The following CA12 variants were observed in gnomAD, a reference collection of about 807,000 sequenced individuals.
CA12 encodes carbonic anhydrase 12.
Under a neutral mutation model 46.8 loss-of-function variants are expected in CA12, and 36 were observed. That is an observed-to-expected ratio of 0.77 (90% confidence interval 0.59 to 1.02). CA12 has a LOEUF of 1.02. CA12 is among the 50% of genes least tolerant of loss of function. The pLI is 0.00. For missense variants in CA12, 436 were observed against 451.4 expected (o/e 0.97, Z 0.31); for synonymous variants, 202 against 187.0 (o/e 1.08, Z -0.65).
In CA12 at chr15:63,327,958, G is replaced by A; in HGVS notation, c.907+140C>T. ...TCATCTTTGAATCACAGAGCGACTT[G>A]AGGGTAAGACCCATAGCAAGGAGAG... On this transcript the variant is annotated intron_variant, in intron 9 of 10. Transcript: ENST00000178638. This position sits in a 1 kb window ranked among gnomAD's most constrained non-coding sequence, Gnocchi z 4.5. The A allele has an allele frequency of 2.6e-6, 2 of 762,480 alleles. No individual in the cohort carries two copies. The highest frequency in any genetic ancestry group is 2.6e-5 in the East Asian group (1 of 39,180). 47.2% of individuals were successfully genotyped at this position (762,480 alleles called of 1,614,324 possible). A position where few individuals can be genotyped will look rare whatever the true frequency, so the allele number is the denominator to read the frequency against.
At chr15:63,347,064 A>G (rs937886585) in intron 2 of CA12, among the ~76,000 whole-genome samples, 2 of 152,154 alleles carry the variant, frequency 1.3e-5, no homozygotes, top group African/African-American at 4.8e-5. Context: ...GCCAGGAATT[A>G]CTCTGGGTCT....
intron 1 of CA12, among the ~76,000 whole-genome samples, chr15:63,380,296 T>C (rs2039628999): frequency 1.4e-5 from 2 of 146,892 alleles, no homozygotes; most frequent in Non-Finnish European, 3.0e-5. Flanking sequence ...GCAGGGAAAG[T>C]AGGGAAGAAA....
Position 63,328,117 on chromosome 15 carries a change from A to G in CA12, c.888T>C (p.Thr296=). ...ACATACCCAGACTCAGTCCTGCCGC[A>G]GTACAGACTTGCACTTAAAAGGGGA... ...YTSFSQVQVC[T]AAGLSLGIIL... The change falls in exon 9 of 11, where the codon ACT becomes ACC. Residue 296 remains threonine, a synonymous_variant. Coordinates refer to ENST00000178638, the MANE Select transcript of CA12 (RefSeq NM_001218.5). This position sits in a 1 kb window ranked among gnomAD's most constrained non-coding sequence, Gnocchi z 5.9. 1 of 1,614,110 alleles carries G rather than the reference A, an allele frequency of 6.2e-7. No homozygotes were observed. The highest frequency in any genetic ancestry group is 8.5e-7 in the Non-Finnish European group (1 of 1,179,966).
In CA12 at chr15:63,328,506, T is replaced by C. The variant is rs34919165; in HGVS notation, c.875-376A>G. On this transcript the variant is annotated intron_variant, in intron 8 of 10. Coordinates refer to ENST00000178638, the MANE Select transcript of CA12 (RefSeq NM_001218.5). This position sits in a 1 kb window ranked among gnomAD's most constrained non-coding sequence, Gnocchi z 5.9. ...ACCTGCCACCACACCCAGCTAATTT[T>C]TGGATTTTTAGTAGAGACAGGGTTT... is the stretch of plus-strand genomic sequence containing the variant. Among the ~76,000 whole-genome samples, 6,814 of 152,008 alleles carry C rather than the reference T, an allele frequency of 0.045. 197 individuals are homozygous for C. The highest frequency in any genetic ancestry group is 0.066 in the Middle Eastern group (19 of 290).
intron 8 of CA12, among the ~76,000 whole-genome samples, chr15:63,338,564 ACT>A (rs1435818375): frequency 1.3e-5 from 2 of 151,740 alleles, no homozygotes; most frequent in Non-Finnish European, 2.9e-5. Flanking sequence ...TCTGTGCAAG[ACT>A]CCCAGGCTTA....
chr15:63,340,736 T>C lies in CA12; in HGVS notation c.573A>G (p.Gln191=). Reference sequence around the variant, plus strand: ...ACCCCTCACCTTTGTACTTTACATGTTGAAGGTGACTGAAGATCTTGTCAT... The same window carrying C: ...ACCCCTCACCTTTGTACTTTACATGCTGAAGGTGACTGAAGATCTTGTCAT... The part of the protein sequence containing the change: ...PSYDKIFSHL[Q]HVKYKGQEAF... Residue 191 remains glutamine, a synonymous_variant, in exon 6 of 11, where the codon CAA becomes CAG. Transcript: ENST00000178638. The surrounding 1 kb of genome is among the most constrained non-coding windows in gnomAD (Gnocchi z 4.4). The C allele has an allele frequency of 6.2e-7, 1 of 1,614,082 alleles. No individual in the cohort carries two copies. The highest frequency in any genetic ancestry group is 8.5e-7 in the Non-Finnish European group (1 of 1,179,926).
In CA12 at chr15:63,355,531, G is replaced by A. The variant is rs1394198058; in HGVS notation, c.107-8822C>T. Among the ~76,000 whole-genome samples the A allele has an allele frequency of 1.3e-5, 2 of 152,238 alleles. No homozygotes were observed. The highest frequency in any genetic ancestry group is 2.1e-4 in the South Asian group (1 of 4,834). ...CCGTTGGACAAGGCTGCCAGGCGAT[G>A]CTGCTGCGGGCTGAGGCTGAGAAGC... On this transcript the variant is annotated intron_variant, in intron 2 of 10. Coordinates refer to ENST00000178638, the MANE Select transcript of CA12 (RefSeq NM_001218.5). The surrounding 1 kb of genome is among the most constrained non-coding windows in gnomAD (Gnocchi z 4.1).
At position 63,328,215 on chromosome 15, in the gene CA12, T is replaced by A; in HGVS notation, c.875-85A>T. Reference sequence around the variant, plus strand: ...CAGCGTGTTGAGAGACGCTCTACCATTTGTTTGGTCTTAGGCTGACAGACC... The same window carrying A: ...CAGCGTGTTGAGAGACGCTCTACCAATTGTTTGGTCTTAGGCTGACAGACC... On this transcript the variant is annotated intron_variant, in intron 8 of 10. Coordinates refer to ENST00000178638, the MANE Select transcript of CA12 (RefSeq NM_001218.5). The surrounding 1 kb of genome is among the most constrained non-coding windows in gnomAD (Gnocchi z 5.9). The A allele has an allele frequency of 7.8e-7, 1 of 1,287,318 alleles. No individual in the cohort carries two copies. The highest frequency in any genetic ancestry group is 1.1e-6 in the Non-Finnish European group (1 of 886,900). The allele number at this position is 1,287,318 out of a possible 1,614,324, so 79.7% of individuals were successfully genotyped here.
chr15:63,353,554 A>G lies in CA12; in HGVS notation c.107-6845T>C, dbSNP rs1030534942. 2.0e-5 allele frequency among the ~76,000 whole-genome samples: 3 copies of G among 152,136 alleles called. No homozygotes were observed. In the South Asian group the frequency reaches 6.2e-4, roughly 32 times the overall value. ...AGAAAGGTCTTCCTGTTGGGAGGCT[A>G]GTACCTGCCTCTCTCTGGGGGTCAT... On this transcript the variant is annotated intron_variant, in intron 2 of 10. Coordinates refer to ENST00000178638, the MANE Select transcript of CA12 (RefSeq NM_001218.5).
chr15:63,362,000 T>C (rs537016080), intron 2 of CA12, among the ~76,000 whole-genome samples: 1 of 152,348 alleles, frequency 6.6e-6, no homozygotes, highest in African/African-American at 2.4e-5. Flanking sequence ...GTGCCAGGCA[T>C]CATTCTATAT....
chr15:63,346,685 G>A lies in CA12; in HGVS notation c.131C>T (p.Ser44Phe), dbSNP rs1208923667. The change falls in exon 3 of 11, where the codon TCC (serine) becomes TTC (phenylalanine). Residue 44 changes from serine to phenylalanine, a missense_variant. Coordinates refer to ENST00000178638, the MANE Select transcript of CA12 (RefSeq NM_001218.5). ...GCCCCCACACGACGGGTACTTCTTG[G>A]ACCAGCTATTCTCCCCATCAGGACC... Reference protein sequence around the residue: ...YFGPDGENSWSKKYPSCGGLL... With the variant: ...YFGPDGENSWFKKYPSCGGLL... 4.3e-6 allele frequency: 7 copies of A among 1,614,018 alleles called. No homozygotes were observed. The highest frequency in any genetic ancestry group is 1.7e-5 in the Admixed American group (1 of 60,008).
rs2039140542 is a variant in CA12, at chr15:63,345,855, T to G, written c.287-236A>C. Among the ~76,000 whole-genome samples, 2 of 152,236 alleles carry G rather than the reference T, an allele frequency of 1.3e-5. No individual in the cohort carries two copies. The highest frequency in any genetic ancestry group is 2.9e-5 in the Non-Finnish European group (2 of 68,042). On this transcript the variant is annotated intron_variant, in intron 3 of 10. Coordinates refer to ENST00000178638, the MANE Select transcript of CA12 (RefSeq NM_001218.5). The surrounding 1 kb of genome is among the most constrained non-coding windows in gnomAD (Gnocchi z 4.3). ...AACTCCAGTGGCACCAGCACCTTCT[T>G]GGTTCACCTTGGAAAGTGATGCCAG...
At chr15:63,362,271 C>A (rs1273402883) in intron 2 of CA12, among the ~76,000 whole-genome samples, 1 of 152,218 alleles carries the variant, frequency 6.6e-6, no homozygotes, top group Non-Finnish European at 1.5e-5. Flanking sequence ...ATCTGAATAA[C>A]AATGCTATGA....
At chr15:63,356,665 G>A (rs2152621701) in intron 2 of CA12, among the ~76,000 whole-genome samples, 1 of 152,074 alleles carries the variant, frequency 6.6e-6, no homozygotes, top group East Asian at 1.9e-4. Context: ...TGGGATTACA[G>A]ATGCACATCA....
At chr15:63,332,301 C>T (rs1038817123) in intron 8 of CA12, among the ~76,000 whole-genome samples, 6 of 152,198 alleles carry the variant, frequency 3.9e-5, no homozygotes, top group South Asian at 2.1e-4. Context: ...TCCTTATGAA[C>T]GCTATGCAAC....
intron 3 of CA12, 148 bp downstream of exon 3, chr15:63,346,382 T>C (rs753878708): frequency 8.1e-6 from 6 of 743,728 alleles, no homozygotes; most frequent in Non-Finnish European, 1.4e-5. Flanking sequence ...AGAGTGCTCC[T>C]GGAATCTCTC....
chr15:63,349,595 G>A (rs565200275), intron 2 of CA12, among the ~76,000 whole-genome samples: 104 of 152,314 alleles, frequency 6.8e-4, no homozygotes, highest in Non-Finnish European at 1.2e-3. Flanking sequence ...ACCTTACGGG[G>A]TAAGCAAGGC....
chr15:63,342,052 T>A lies in CA12; in HGVS notation c.475A>T (p.Thr159Ser). The A allele has an allele frequency of 6.2e-7, 1 of 1,614,146 alleles. No individual in the cohort carries two copies. The highest frequency in any genetic ancestry group is 8.5e-7 in the Non-Finnish European group (1 of 1,179,988). Residue 159 changes from threonine to serine, a missense_variant, in exon 5 of 11, where the codon ACT becomes TCT. Physicochemically the swap from Thr to Ser is moderately conservative, Grantham distance 58. Transcript: ENST00000178638. ...YNSDLYPDASTASNKSEGLAV... is the reference protein window; with the variant it reads ...YNSDLYPDASSASNKSEGLAV... ...AGGCCTTCTGACTTGTTGCTGGCAG[T>A]GCTGGCGTCAGGATAAAGGTCTGAG...
At chr15:63,375,740 A>G (rs1595794724) in intron 1 of CA12, 62 bp from the exon 2 acceptor site, 1 of 1,301,688 alleles carries the variant, frequency 7.7e-7, no homozygotes. Flanking sequence ...GGAAAACACT[A>G]CAGATTTTGT....
Sources: allele counts gnomAD v4.1 joint callset (sites outside exome capture counted in the v4.1 genomes callset), GRCh38; gene constraint gnomAD v4.1.1; non-coding constraint Gnocchi (gnomAD v3.1); transcripts MANE v1.5; gene names NCBI Gene and HGNC (gene_info 2026-07-23, HGNC 2026-07-21).